The following ZNF777 variants were observed in gnomAD, a reference collection of about 807,000 sequenced individuals.
ZNF777 encodes zinc finger protein 777.
ZNF777 carries 7 observed loss-of-function variants against 72.1 expected under a neutral mutation model. That is an observed-to-expected ratio of 0.10 (90% CI 0.06 to 0.18). The LOEUF is 0.18. ZNF777 is among the 10% of genes least tolerant of loss of function. The pLI, the probability that ZNF777 is intolerant of heterozygous loss-of-function variation, is 1.00. For missense variants in ZNF777, 828 were observed against 1,128.6 expected (o/e 0.73, Z 3.82); for synonymous variants, 545 against 483.5 (o/e 1.13, Z -1.67).
In ZNF777 at chr7:149,431,372, A is replaced by AAATT. The variant is rs1280935037; in HGVS notation, c.*400_*403dup. The stretch of plus-strand genomic sequence containing the variant: ...CAAACAGGAAACGCTCTTCTTTTAA[A>AAATT]AATTACTCTATTATTATCAAATAGA... On this transcript the variant is annotated 3_prime_UTR_variant, in exon 6 of 6. Coordinates refer to ENST00000247930, the MANE Select transcript of ZNF777 (RefSeq NM_015694.3). 1.4e-5 allele frequency: 5 copies of AAATT among 368,814 alleles called. No individual in the cohort carries two copies. The highest frequency in any genetic ancestry group is 2.3e-5 in the African/African-American group (1 of 44,020). 22.8% of individuals were successfully genotyped at this position (368,814 alleles called of 1,614,324 possible).
rs76089315 is a variant in ZNF777, at chr7:149,453,859, G to A, written c.973+252C>T. On this transcript the variant is annotated intron_variant, in intron 3 of 5. Coordinates refer to ENST00000247930, the MANE Select transcript of ZNF777 (RefSeq NM_015694.3). The stretch of plus-strand genomic sequence containing the variant: ...ATGACGGAGAGACCACTGATGTCTA[G>A]GTCTTTCTCCTCCTCCTTGCCCCAG... Among the ~76,000 whole-genome samples, 1,003 of 152,362 alleles carry A rather than the reference G, an allele frequency of 6.6e-3. 16 individuals are homozygous for A. The highest frequency in any genetic ancestry group is 0.065 in the South Asian group (316 of 4,826).
At chr7:149,440,659 C>T (rs945491523) in intron 4 of ZNF777, among the ~76,000 whole-genome samples, 15 of 146,536 alleles carry the variant, frequency 1.0e-4, no homozygotes, top group African/African-American at 3.8e-4. Context: ...TGCCCAGCAG[C>T]CTGTTGTTTT....
At position 149,440,802 on chromosome 7, in the gene ZNF777, C is replaced by T. The variant is rs150790112; in HGVS notation, c.1088-3976G>A. On this transcript the variant is annotated intron_variant, in intron 4 of 5. Transcript: ENST00000247930. ...GATGGACTAAGGACTGGAAATTGTGCCCTCAAAGCCACCTGTATTATGTCC... is the reference window on the plus strand; with the variant it reads ...GATGGACTAAGGACTGGAAATTGTGTCCTCAAAGCCACCTGTATTATGTCC... Among the ~76,000 whole-genome samples, 20 of 151,690 alleles carry T rather than the reference C, an allele frequency of 1.3e-4. No individual in the cohort carries two copies. The East Asian group carries it at 3.7e-3, about 28-fold the overall frequency.
chr7:149,451,251 T>C, intron 3 of ZNF777, 139 bp from the exon 4 acceptor site: 1 of 716,108 alleles, frequency 1.4e-6, no homozygotes, highest in Non-Finnish European at 2.4e-6. Context: ...AGTCTCCCCT[T>C]CTTTTCCCAA....
chr7:149,452,213 C>T (rs894105827), intron 3 of ZNF777, among the ~76,000 whole-genome samples: 3 of 151,110 alleles, frequency 2.0e-5, no homozygotes, highest in Admixed American at 1.3e-4. Context: ...TGCAGTGAGC[C>T]GAGATCGCGC....
chr7:149,459,697 G>A (rs1008342461), intron 1 of ZNF777: 3 of 985,048 alleles, frequency 3.0e-6, no homozygotes, highest in African/African-American at 1.7e-5. Context: ...TCGCCGCCAG[G>A]TGTCTGTGCC....
At position 149,436,510 on chromosome 7, in the gene ZNF777, G is replaced by C. The variant is rs1301413677; in HGVS notation, c.1339+65C>G. The C allele has an allele frequency of 4.9e-5, 73 of 1,503,000 alleles. No homozygotes were observed. Among genetic ancestry groups the C allele is most frequent in the Non-Finnish European group, 6.1e-5 (69 of 1,125,616 alleles). The allele number at this position is 1,503,000 out of a possible 1,614,324, so 93.1% of individuals were successfully genotyped here. A position where few individuals can be genotyped will look rare whatever the true frequency, so the allele number is the denominator to read the frequency against. On this transcript the variant is annotated intron_variant, in intron 5 of 5. Transcript: ENST00000247930. The surrounding 1 kb of genome is among the most constrained non-coding windows in gnomAD (Gnocchi z 5.0). ...TCTGAAGGAACCACAGCTTTCCCAG[G>C]GGGCAGGGGCCCTCTGGGAGGCCTC...
chr7:149,458,873 G>A (rs1041098042), intron 1 of ZNF777, among the ~76,000 whole-genome samples: 1 of 152,216 alleles, frequency 6.6e-6, no homozygotes, highest in Admixed American at 6.5e-5. Context: ...GGGTTGGAGG[G>A]AGAATTCTTC....
chr7:149,459,749 C>A, intron 1 of ZNF777: 1 of 985,096 alleles, frequency 1.0e-6, no homozygotes, highest in Non-Finnish European at 1.2e-6. Flanking sequence ...CGCGTCAGCG[C>A]CGCGCCCGGG....
intron 4 of ZNF777, among the ~76,000 whole-genome samples, chr7:149,439,274 C>T (rs931492582): frequency 1.3e-5 from 2 of 152,100 alleles, no homozygotes; most frequent in African/African-American, 2.4e-5. Context: ...AACATGACCA[C>T]GACTCTAGCA....
chr7:149,459,798 G>A (rs1194277850), intron 1 of ZNF777: 49 of 984,738 alleles, frequency 5.0e-5, no homozygotes, highest in Non-Finnish European at 5.7e-5. Flanking sequence ...TGCGGAAAAC[G>A]TGCCGGCGGC....
At chr7:149,442,897 AAAGAT>A (rs1262473688) in intron 4 of ZNF777, among the ~76,000 whole-genome samples, 1 of 152,226 alleles carries the variant, frequency 6.6e-6, no homozygotes, top group African/African-American at 2.4e-5. Context: ...CAAATGATAA[AAAGAT>A]AAATAATACC....
Position 149,451,040 on chromosome 7 carries a change from T to C in ZNF777, c.1046A>G (p.Glu349Gly). The change falls in exon 4 of 6, where the codon GAA (glutamate) becomes GGA (glycine). Residue 349 changes from glutamate (E) to glycine (G), a missense_variant. Around this residue, in one of 12 missense-constraint regions of ZNF777, gnomAD observed 73 missense variants for 90.6 expected, o/e 0.81. Coordinates refer to ENST00000247930, the MANE Select transcript of ZNF777 (RefSeq NM_015694.3). The stretch of plus-strand genomic sequence containing the variant: ...CGGCGTTTCGCCCTCCTCAGAGTCT[T>C]CCTGCTCCTGCATGGTGGGCCGCTC... ...RGERPTMQEQ[E>G]DSEEGETPTD... is the part of the protein sequence containing the mutation. 1 of 1,613,990 alleles carries C rather than the reference T, an allele frequency of 6.2e-7. No homozygotes were observed. The highest frequency in any genetic ancestry group is 8.5e-7 in the Non-Finnish European group (1 of 1,180,026).
intron 3 of ZNF777, among the ~76,000 whole-genome samples, chr7:149,452,127 C>T (rs1042987283): frequency 8.6e-5 from 13 of 151,294 alleles, no homozygotes; most frequent in South Asian, 2.1e-4. Flanking sequence ...TAGCTGGGCA[C>T]GGTGGTGGGC....
In ZNF777 at chr7:149,432,187, G is replaced by T. The variant is rs1799320072; in HGVS notation, c.2085C>A (p.Ile695=). ...VHAGKHEVSF[I]CSLCGKSFSR... Reference sequence around the variant, plus strand: ...TGAAGCTCTTGCCGCACAGGCTGCAGATGAAGGAGACCTCATGCTTGCCCG... The same window carrying T: ...TGAAGCTCTTGCCGCACAGGCTGCATATGAAGGAGACCTCATGCTTGCCCG... The change falls in exon 6 of 6, where the codon ATC becomes ATA. Residue 695 remains isoleucine, a synonymous_variant. Transcript: ENST00000247930. The T allele has an allele frequency of 1.9e-6, 3 of 1,605,374 alleles. No individual in the cohort carries two copies. Among genetic ancestry groups the T allele is most frequent in the African/African-American group, 1.3e-5 (1 of 74,868 alleles).
At chr7:149,440,665 GT>G (rs199888410) in intron 4 of ZNF777, among the ~76,000 whole-genome samples, 15 of 88,396 alleles carry the variant, frequency 1.7e-4, no homozygotes, top group South Asian at 4.1e-4. Context: ...GCAGCCTGTT[GT>G]TTTTTTGTTT....
chr7:149,444,908 C>T (rs1386315249), intron 4 of ZNF777, among the ~76,000 whole-genome samples: 7 of 152,276 alleles, frequency 4.6e-5, no homozygotes, highest in South Asian at 4.1e-4. Flanking sequence ...TAGAAAATTA[C>T]GGCTTTAATT....
At chr7:149,433,601 C>CAA (rs1230710989) in intron 5 of ZNF777, among the ~76,000 whole-genome samples, 1 of 152,222 alleles carries the variant, frequency 6.6e-6, no homozygotes, top group Non-Finnish European at 1.5e-5. Context: ...CCTTGGTGAT[C>CAA]AAAACCTACA....
At position 149,436,778 on chromosome 7, in the gene ZNF777, C is replaced by G. The variant is rs774834641; in HGVS notation, c.1136G>C (p.Gly379Ala). The change falls in exon 5 of 6, where the codon GGC (glycine) becomes GCC (alanine). Residue 379 changes from glycine to alanine, a missense_variant. Around this residue, in one of 12 missense-constraint regions of ZNF777, gnomAD observed 219 missense variants for 223.0 expected, o/e 0.98. Transcript: ENST00000247930. This position sits in a 1 kb window ranked among gnomAD's most constrained non-coding sequence, Gnocchi z 5.0. Reference protein sequence around the residue: ...IKIEVQTNDEGSESLETPEPL... With the variant: ...IKIEVQTNDEASESLETPEPL... ...CTCAGGTGTCTCCAAACTTTCTGAG[C>G]CCTCGTCGTTGGTCTGTACCTCGAT... 6.2e-7 allele frequency: 1 copy of G among 1,613,998 alleles called. No individual in the cohort carries two copies. The highest frequency in any genetic ancestry group is 8.5e-7 in the Non-Finnish European group (1 of 1,180,022).
Sources: gnomAD v4.1 joint callset for allele counts (sites outside exome capture counted in the v4.1 genomes callset) on GRCh38, gnomAD v4.1.1 for gene constraint, gnomAD v4.1.1 regional missense constraint, Gnocchi (gnomAD v3.1) non-coding constraint, MANE v1.5 for transcripts, NCBI Gene and HGNC (gene_info 2026-07-23, HGNC 2026-07-21) for gene names.